The following WDFY4 variants were observed in gnomAD, a reference collection of about 807,000 sequenced individuals.
The protein encoded by WDFY4 is WD repeat- and FYVE domain-containing protein 4.
Under a neutral mutation model 351.9 loss-of-function variants are expected in WDFY4, and 169 were observed. The observed-to-expected ratio is 0.48, with a 90% CI of 0.42 to 0.55. The LOEUF is 0.55. Among genes scored for constraint, WDFY4 ranks in the 20% least tolerant of loss-of-function variants. WDFY4 has a pLI of 0.00. For missense variants in WDFY4, 3,803 were observed against 3,935.6 expected (o/e 0.97, Z 0.90); for synonymous variants, 1,622 against 1,574.6 (o/e 1.03, Z -0.71).
At chr10:48,958,230 G>A (rs997584866) in intron 52 of WDFY4, among the ~76,000 whole-genome samples, 1 of 152,246 alleles carries the variant, frequency 6.6e-6, no homozygotes, top group Non-Finnish European at 1.5e-5. Context: ...CAGACAGTGA[G>A]CCAGGCCCCG....
Position 48,966,616 on chromosome 10 carries a change from C to T in WDFY4, c.8527C>T (p.Pro2843Ser). Residue 2843 changes from proline (P) to serine (S), a missense_variant, in exon 55 of 62, where the codon CCA (proline) becomes TCA (serine). Coordinates refer to ENST00000325239, the MANE Select transcript of WDFY4 (RefSeq NM_001394531.1). Reference sequence around the variant, plus strand: ...CACCCCCGTGAGCCTGCCTGGCCACCCACAGCCCTTTTTCTACAGCCTGCA... The same window carrying T: ...CACCCCCGTGAGCCTGCCTGGCCACTCACAGCCCTTTTTCTACAGCCTGCA... ...VSTPVSLPGHPQPFFYSLQSL... is the reference protein window; with the variant it reads ...VSTPVSLPGHSQPFFYSLQSL... The T allele has an allele frequency of 6.4e-7, 1 of 1,551,950 alleles. No individual in the cohort carries two copies. Among genetic ancestry groups the T allele is most frequent in the South Asian group, 1.2e-5 (1 of 84,054 alleles).
At chr10:48,822,164 C>T (rs948567679) in intron 34 of WDFY4, among the ~76,000 whole-genome samples, 2 of 152,212 alleles carry the variant, frequency 1.3e-5, no homozygotes, top group African/African-American at 2.4e-5. Context: ...GCTTTCTCAC[C>T]ACTTGGTTTA....
chr10:48,900,565 A>T, intron 46 of WDFY4, among the ~76,000 whole-genome samples: 1 of 152,240 alleles, frequency 6.6e-6, no homozygotes, highest in Admixed American at 6.5e-5. Flanking sequence ...TAGAACAGGA[A>T]GTGAGAAAAA....
At chr10:48,953,302 G>GTCTC (rs140127650) in intron 51 of WDFY4, among the ~76,000 whole-genome samples, 3,035 of 125,890 alleles carry the variant, frequency 0.024, 104 homozygotes, top group African/African-American at 0.069. Context: ...CATGAGATAT[G>GTCTC]TCTCTCTCTC....
intron 31 of WDFY4, 35 bp downstream of exon 31, chr10:48,814,117 G>A (rs368492074): frequency 4.0e-6 from 6 of 1,489,876 alleles, no homozygotes. Flanking sequence ...CCCCGAGGAG[G>A]TTCTGATGGG....
intron 43 of WDFY4, among the ~76,000 whole-genome samples, chr10:48,890,064 G>A (rs906521759): frequency 3.9e-5 from 6 of 152,212 alleles, no homozygotes; most frequent in Non-Finnish European, 7.3e-5. Flanking sequence ...GCAGAGCACC[G>A]TGCATCTTCT....
chr10:48,860,898 T>C (rs1173757130), intron 39 of WDFY4, among the ~76,000 whole-genome samples: 2 of 152,210 alleles, frequency 1.3e-5, no homozygotes, highest in African/African-American at 4.8e-5. Flanking sequence ...TGCATGTTTT[T>C]GTTTATTTTA....
At chr10:48,972,788 G>A (rs987410738) in intron 57 of WDFY4, among the ~76,000 whole-genome samples, 4 of 152,192 alleles carry the variant, frequency 2.6e-5, no homozygotes, top group African/African-American at 9.7e-5. Flanking sequence ...CAGCAATCAA[G>A]AGCACCCGTT....
chr10:48,686,851 G>A (rs1039741412), intron 1 of WDFY4, among the ~76,000 whole-genome samples: 2 of 152,124 alleles, frequency 1.3e-5, no homozygotes, highest in Non-Finnish European at 2.9e-5. Flanking sequence ...CTTGGGGCAT[G>A]TGTGCAAGAA....
chr10:48,696,572 G>T (rs963094300), intron 1 of WDFY4, among the ~76,000 whole-genome samples: 2 of 152,254 alleles, frequency 1.3e-5, no homozygotes, highest in Non-Finnish European at 2.9e-5. Context: ...GGAGACCCGA[G>T]ATTGGACAGA....
intron 40 of WDFY4, among the ~76,000 whole-genome samples, chr10:48,872,386 C>A (rs1253819538): frequency 1.3e-5 from 2 of 152,288 alleles, no homozygotes; most frequent in East Asian, 1.9e-4. Context: ...GGAGAAGGCA[C>A]TTCTCCTTTG....
At chr10:48,877,341 G>A in intron 43 of WDFY4, 142 bp downstream of exon 43, 1 of 807,992 alleles carries the variant, frequency 1.2e-6, no homozygotes, top group Non-Finnish European at 1.9e-6. Context: ...AATAATCAGT[G>A]AAAAAAGGGA....
At chr10:48,913,662 T>A in intron 47 of WDFY4, 1 of 1,613,790 alleles carries the variant, frequency 6.2e-7, no homozygotes, top group Non-Finnish European at 8.5e-7. Flanking sequence ...CTTGGGGAGC[T>A]TGGAGATGCT....
At chr10:48,789,793 G>C in intron 21 of WDFY4, 81 bp from the exon 22 acceptor site, 1 of 1,348,696 alleles carries the variant, frequency 7.4e-7, no homozygotes, top group Non-Finnish European at 1.0e-6. Context: ...GGCCCCAGAG[G>C]GCCTGCCCTC....
At chr10:48,755,782 CA>C in intron 12 of WDFY4, among the ~76,000 whole-genome samples, 1 of 152,234 alleles carries the variant, frequency 6.6e-6, no homozygotes, top group Non-Finnish European at 1.5e-5. Flanking sequence ...GCAAGCTCTC[CA>C]AAGATATTCT....
intron 1 of WDFY4, among the ~76,000 whole-genome samples, chr10:48,706,150 T>G (rs2063621058): frequency 6.6e-6 from 1 of 151,946 alleles, no homozygotes; most frequent in Admixed American, 6.6e-5. Flanking sequence ...AGAGAGAGAT[T>G]GAGATTTGGG....
Position 48,787,906 on chromosome 10 carries a change from CTTCTTCTTCTTCTTCTT to C in WDFY4, c.3809-623_3809-607del, listed in dbSNP as rs2066506580. Among the ~76,000 whole-genome samples, 18 of 32,326 alleles carry C rather than the reference CTTCTTCTTCTTCTTCTT, an allele frequency of 5.6e-4. 1 individual carries two copies. Among genetic ancestry groups the C allele is most frequent in the African/African-American group, 2.5e-3 (15 of 6,012 alleles). The allele number at this position is 32,326 out of a possible 152,430, so 21.2% of individuals were successfully genotyped here. ...TCTTCTTCTTCTCCTTCTTCTTCTT[CTTCTTCTTCTTCTTCTT>C]CTTCTTCTTCTTCTTCTTCTTCTTC... On this transcript the variant is annotated intron_variant, in intron 20 of 61. Coordinates refer to ENST00000325239, the MANE Select transcript of WDFY4 (RefSeq NM_001394531.1).
intron 1 of WDFY4, among the ~76,000 whole-genome samples, chr10:48,697,451 A>G (rs548580068): frequency 1.3e-5 from 2 of 152,296 alleles, no homozygotes; most frequent in South Asian, 2.1e-4. Context: ...GTAAGTCACA[A>G]TGTTGGGGAA....
chr10:48,705,713 A>G (rs910349018), intron 1 of WDFY4, among the ~76,000 whole-genome samples: 1 of 152,196 alleles, frequency 6.6e-6, no homozygotes, highest in Non-Finnish European at 1.5e-5. Flanking sequence ...TTGCCGATTC[A>G]AGTGAAGGTG....
Sources: allele counts gnomAD v4.1 joint callset (sites outside exome capture counted in the v4.1 genomes callset), GRCh38; gene constraint gnomAD v4.1.1; transcripts MANE v1.5; gene names NCBI Gene and HGNC (gene_info 2026-07-23, HGNC 2026-07-21).